The following GRID2 variants were observed in gnomAD, a reference collection of about 807,000 sequenced individuals.
The protein encoded by GRID2 is glutamate receptor ionotropic, delta-2.
Under a neutral mutation model 114.8 loss-of-function variants are expected in GRID2, and 33 were observed. The ratio of observed to expected loss-of-function variants is 0.29; its 90% CI spans 0.22 to 0.38. GRID2 has a LOEUF of 0.38. Among genes scored for constraint, GRID2 ranks in the 10% least tolerant of loss-of-function variants. GRID2 has a pLI of 1.00. For missense variants in GRID2, 1,184 were observed against 1,257.7 expected (o/e 0.94, Z 0.89); for synonymous variants, 505 against 449.9 (o/e 1.12, Z -1.55).
chr4:93,613,431 A>T (rs1291697274), intron 13 of GRID2, among the ~76,000 whole-genome samples: 1 of 110,760 alleles, frequency 9.0e-6, no homozygotes, highest in East Asian at 2.2e-4. Context: ...TTTTTTCCCC[A>T]TCTTTGTGGT....
chr4:93,012,915 A>G (rs1420315440), intron 2 of GRID2, among the ~76,000 whole-genome samples: 1 of 152,040 alleles, frequency 6.6e-6, no homozygotes, highest in Non-Finnish European at 1.5e-5. Context: ...TATGACATAT[A>G]TATATAAAAC....
rs149954922 is a variant in GRID2 at position 93,172,102 on chromosome 4, A to G, written c.736-35302A>G. ...TCCTGACCTCAGGTCAATATATTTC[A>G]TCTTCACCTACAAGTTTAAAAACAT... is the stretch of plus-strand genomic sequence containing the variant. On this transcript the variant is annotated intron_variant, in intron 4 of 15. Coordinates refer to ENST00000282020, the MANE Select transcript of GRID2 (RefSeq NM_001510.4). Among the ~76,000 whole-genome samples, 632 of 152,300 alleles carry G rather than the reference A, an allele frequency of 4.1e-3. 8 individuals are homozygous for G. The highest frequency in any genetic ancestry group is 0.015 in the African/African-American group (609 of 41,566).
intron 1 of GRID2, among the ~76,000 whole-genome samples, chr4:92,465,476 T>G (rs1721707041): frequency 6.6e-6 from 1 of 152,124 alleles, no homozygotes. Context: ...TGGAACTCAT[T>G]ACAAATTATT....
intron 1 of GRID2, among the ~76,000 whole-genome samples, chr4:92,328,843 T>C (rs1173777652): frequency 6.6e-6 from 1 of 152,086 alleles, no homozygotes; most frequent in Non-Finnish European, 1.5e-5. Flanking sequence ...AGTTAATACC[T>C]ACTGGGAAGT....
chr4:93,325,124 A>T (rs1757687087), intron 8 of GRID2, among the ~76,000 whole-genome samples: 1 of 151,934 alleles, frequency 6.6e-6, no homozygotes, highest in Admixed American at 6.6e-5. Context: ...TTTAATTGTG[A>T]TGTTAGGGTG....
At chr4:93,582,487 A>T (rs1737081309) in intron 13 of GRID2, among the ~76,000 whole-genome samples, 1 of 152,172 alleles carries the variant, frequency 6.6e-6, no homozygotes, top group African/African-American at 2.4e-5. Context: ...TATTCTGCCC[A>T]CCACACTGCC....
At chr4:92,832,471 G>A (rs992637159) in intron 2 of GRID2, among the ~76,000 whole-genome samples, 62 of 150,836 alleles carry the variant, frequency 4.1e-4, no homozygotes, top group Admixed American at 2.6e-3. Flanking sequence ...TTGGCTCACC[G>A]CAACCTCCGC....
intron 14 of GRID2, among the ~76,000 whole-genome samples, chr4:93,733,419 A>G (rs1442014516): frequency 6.6e-6 from 1 of 152,174 alleles, no homozygotes; most frequent in Non-Finnish European, 1.5e-5. Flanking sequence ...TTTCTAACAT[A>G]GAAATTTTCT....
intron 8 of GRID2, among the ~76,000 whole-genome samples, chr4:93,388,504 T>C (rs541372969): frequency 1.1e-4 from 16 of 152,270 alleles, no homozygotes; most frequent in Non-Finnish European, 8.8e-5. Flanking sequence ...GGTTATGCCT[T>C]ACTCAAGAAA....
chr4:92,877,790 C>T (rs1167599222), intron 2 of GRID2, among the ~76,000 whole-genome samples: 1 of 152,140 alleles, frequency 6.6e-6, no homozygotes, highest in African/African-American at 2.4e-5. Flanking sequence ...AAAGATCAAG[C>T]ATCCTTAGCT....
At chr4:93,175,575 A>G (rs940137646) in intron 4 of GRID2, among the ~76,000 whole-genome samples, 1 of 152,160 alleles carries the variant, frequency 6.6e-6, no homozygotes, top group Non-Finnish European at 1.5e-5. Context: ...TTTTTCAAAG[A>G]TATGCATCCA....
chr4:92,584,417 A>T (rs149719141), intron 1 of GRID2, among the ~76,000 whole-genome samples: 1 of 152,110 alleles, frequency 6.6e-6, no homozygotes, highest in African/African-American at 2.4e-5. Flanking sequence ...TCTAAAACAG[A>T]AAGGATATAT....
At chr4:93,365,886 T>C (rs1762289912) in intron 8 of GRID2, among the ~76,000 whole-genome samples, 1 of 152,154 alleles carries the variant, frequency 6.6e-6, no homozygotes, top group South Asian at 2.1e-4. Context: ...ATTAATACTT[T>C]TATAATTTCT....
intron 2 of GRID2, among the ~76,000 whole-genome samples, chr4:93,016,072 TG>T: frequency 6.6e-6 from 1 of 151,022 alleles, no homozygotes; most frequent in African/African-American, 2.4e-5. Context: ...AGTGTGTGTG[TG>T]TGTGTGTGTG....
At position 92,768,617 on chromosome 4, in the gene GRID2, T is replaced by C. The variant is rs186678879; in HGVS notation, c.244+178331T>C. Among the ~76,000 whole-genome samples, 4 of 152,318 alleles carry C rather than the reference T, an allele frequency of 2.6e-5. No homozygotes were observed. In the East Asian group the frequency reaches 7.7e-4, roughly 29 times the overall value. ...GGGTAATTTACAAAATAAAGAGGTTTATTGGACTTACAGTTCCACATGGCT... is the reference window on the plus strand; with the variant it reads ...GGGTAATTTACAAAATAAAGAGGTTCATTGGACTTACAGTTCCACATGGCT... On this transcript the variant is annotated intron_variant, in intron 2 of 15. Transcript: ENST00000282020.
intron 2 of GRID2, among the ~76,000 whole-genome samples, chr4:92,879,840 C>T (rs570196362): frequency 7.9e-5 from 12 of 152,276 alleles, no homozygotes; most frequent in East Asian, 1.9e-4. Context: ...CTCCTCATTA[C>T]GGAAAGTCAA....
chr4:92,984,375 C>G (rs939339998), intron 2 of GRID2, among the ~76,000 whole-genome samples: 1 of 152,232 alleles, frequency 6.6e-6, no homozygotes, highest in Non-Finnish European at 1.5e-5. Context: ...GTTGGAACAG[C>G]TTATATCATT....
chr4:93,362,476 C>T (rs985964508), intron 8 of GRID2, among the ~76,000 whole-genome samples: 1 of 151,872 alleles, frequency 6.6e-6, no homozygotes, highest in Non-Finnish European at 1.5e-5. Context: ...GGAGATTTTA[C>T]CCCTTTTGGA....
In GRID2 at chr4:93,158,854, C is replaced by CT. The variant is rs958546621; in HGVS notation, c.735+47911dup. Among the ~76,000 whole-genome samples the CT allele has an allele frequency of 5.4e-4, 81 of 148,856 alleles. 1 individual carries two copies. The highest frequency in any genetic ancestry group is 9.9e-4 in the East Asian group (5 of 5,066). ...CCAAACAATAAATGACTTTATAAGACTTTTTTTTTTCAGAAGGTGCTGAAG... is the reference window on the plus strand; with the variant it reads ...CCAAACAATAAATGACTTTATAAGACTTTTTTTTTTTCAGAAGGTGCTGAAG... On this transcript the variant is annotated intron_variant, in intron 4 of 15. Transcript: ENST00000282020.
Sources: allele counts gnomAD v4.1 joint callset (sites outside exome capture counted in the v4.1 genomes callset), GRCh38; gene constraint gnomAD v4.1.1; transcripts MANE v1.5; gene names NCBI Gene and HGNC (gene_info 2026-07-23, HGNC 2026-07-21).